The following LARGE1 variants were observed in gnomAD, a reference collection of about 807,000 sequenced individuals.
LARGE1 encodes xylosyl- and glucuronyltransferase LARGE1.
A neutral mutation model predicts 87.6 loss-of-function variants in LARGE1; 43 were observed. The observed-to-expected ratio is 0.49, with a 90% CI of 0.38 to 0.63. The LOEUF is 0.63. Ranked by LOEUF, LARGE1 falls within the 30% of genes least tolerant of loss-of-function variation. LARGE1 has a pLI of 0.00. For synonymous variants in LARGE1, 434 were observed against 394.6 expected (o/e 1.10, Z -1.18); for missense variants, 802 against 1,000.2 (o/e 0.80, Z 2.67).
At chr22:33,087,579 T>C in the LARGE1 span, among the ~76,000 whole-genome samples, 1 of 152,186 alleles carries the variant, frequency 6.6e-6, no homozygotes, top group Non-Finnish European at 1.5e-5. Flanking sequence ...AACAATAATG[T>C]TGAATTTAAT....
chr22:33,386,527 G>GA (rs962246286), intron 7 of LARGE1, among the ~76,000 whole-genome samples: 2 of 145,622 alleles, frequency 1.4e-5, no homozygotes, highest in Admixed American at 6.9e-5. Context: ...CTCTCTGGGG[G>GA]AAAAAAACGG....
At chr22:33,120,366 CTTT>C in the LARGE1 span, among the ~76,000 whole-genome samples, 19 of 139,894 alleles carry the variant, frequency 1.4e-4, no homozygotes, top group Non-Finnish European at 6.2e-5. Context: ...CTTTTTCTTT[CTTT>C]CTTTCTTTCT....
At chr22:33,592,747 ACTT>A (rs2078876294) in intron 5 of LARGE1, among the ~76,000 whole-genome samples, 1 of 152,120 alleles carries the variant, frequency 6.6e-6, no homozygotes. Flanking sequence ...CATTTTGATC[ACTT>A]TTTTGGGTGG....
intron 4 of LARGE1, among the ~76,000 whole-genome samples, chr22:33,606,249 CA>C (rs1268388543): frequency 2.6e-5 from 4 of 151,616 alleles, no homozygotes; most frequent in African/African-American, 7.3e-5. Context: ...ACTAAAAACA[CA>C]AAAAATTAGC....
chr22:33,292,750 G>A (rs1415564902), intron 12 of LARGE1, among the ~76,000 whole-genome samples: 2 of 152,156 alleles, frequency 1.3e-5, no homozygotes, highest in Non-Finnish European at 2.9e-5. Context: ...CCAGTTTGAA[G>A]GGAGGCTGAA....
chr22:33,075,836 A>C, the LARGE1 span, among the ~76,000 whole-genome samples: 1 of 152,176 alleles, frequency 6.6e-6, no homozygotes, highest in African/African-American at 2.4e-5. Flanking sequence ...AACAAATGGA[A>C]AATTTTCCTT....
chr22:33,480,224 T>C lies in LARGE1; in HGVS notation c.788-47959A>G, dbSNP rs148252500. 3.8e-3 allele frequency among the ~76,000 whole-genome samples: 573 copies of C among 152,338 alleles called. 3 individuals carry two copies. Among genetic ancestry groups the C allele is most frequent in the South Asian group, 0.021 (100 of 4,830 alleles). On this transcript the variant is annotated intron_variant, in intron 6 of 14. Transcript: ENST00000397394. ...CTTCACGCAGACCTCGGAGCAGGGC[T>C]GCGCCATCCCAGCTAGAGTGTGTTC...
intron 1 of LARGE1, among the ~76,000 whole-genome samples, chr22:33,800,883 T>G (rs1409583615): frequency 6.6e-6 from 1 of 152,210 alleles, no homozygotes; most frequent in Non-Finnish European, 1.5e-5. Context: ...TAAACACAAG[T>G]TTCCATTTTT....
intron 6 of LARGE1, among the ~76,000 whole-genome samples, chr22:33,442,684 T>C (rs953859952): frequency 6.6e-6 from 1 of 152,140 alleles, no homozygotes; most frequent in Non-Finnish European, 1.5e-5. Flanking sequence ...GTTCTTCTTT[T>C]ACTTGTGCTG....
rs560973289 is a variant in LARGE1, at chr22:33,855,512, C to T, written c.-83+64483G>A. 7.2e-5 allele frequency among the ~76,000 whole-genome samples: 11 copies of T among 152,214 alleles called. 1 individual carries two copies. The East Asian group carries it at 1.7e-3, about 24-fold the overall frequency. On this transcript the variant is annotated intron_variant, in intron 1 of 14. Transcript: ENST00000397394. ...AGGGTCTGGAGGGCCCATCACGCCT[C>T]ACCAGGGCTGTGTGGTACAATCCCC...
At chr22:33,668,417 T>A (rs1348220533) in intron 2 of LARGE1, among the ~76,000 whole-genome samples, 1 of 152,216 alleles carries the variant, frequency 6.6e-6, no homozygotes, top group South Asian at 2.1e-4. Flanking sequence ...ATAAATGAGA[T>A]GAAGCACTAG....
At chr22:33,673,577 A>G (rs1197039541) in intron 2 of LARGE1, among the ~76,000 whole-genome samples, 3 of 152,238 alleles carry the variant, frequency 2.0e-5, no homozygotes, top group Admixed American at 2.0e-4. Context: ...TGAAGTGTAC[A>G]GCTCAGTAGC....
intron 4 of LARGE1, among the ~76,000 whole-genome samples, chr22:33,621,971 A>G (rs886646127): frequency 2.6e-5 from 4 of 152,174 alleles, no homozygotes; most frequent in Non-Finnish European, 4.4e-5. Flanking sequence ...TTCCTTGTCT[A>G]TAAGAAACAT....
exon 12 of LARGE1, chr22:33,165,572 A>G (rs1470938376): frequency 6.6e-6 from 1 of 152,086 alleles, no homozygotes; most frequent in Non-Finnish European, 1.5e-5. Flanking sequence ...TTAGATCCAA[A>G]CCCCCAAAAT....
intron 6 of LARGE1, among the ~76,000 whole-genome samples, chr22:33,444,725 TAA>T (rs2067618273): frequency 6.6e-6 from 1 of 152,220 alleles, no homozygotes; most frequent in Non-Finnish European, 1.5e-5. Flanking sequence ...CATCATGAGA[TAA>T]GTTATTCATC....
At chr22:33,577,200 T>C (rs2078380479) in intron 5 of LARGE1, among the ~76,000 whole-genome samples, 1 of 152,102 alleles carries the variant, frequency 6.6e-6, no homozygotes. Context: ...GATATTCCAA[T>C]GGTTTGGTAT....
At chr22:33,679,708 G>A (rs1569365475) in intron 2 of LARGE1, among the ~76,000 whole-genome samples, 1 of 152,146 alleles carries the variant, frequency 6.6e-6, no homozygotes, top group Admixed American at 6.5e-5. Flanking sequence ...CAGGTGTGAT[G>A]GCAGGCTCCT....
At chr22:33,244,702 T>A (rs1432751806) in intron 11 of LARGE1, among the ~76,000 whole-genome samples, 1 of 152,214 alleles carries the variant, frequency 6.6e-6, no homozygotes, top group African/African-American at 2.4e-5. Flanking sequence ...CAGCTAAGGA[T>A]CTTCAACTGA....
At chr22:33,398,133 C>G (rs2065811935) in intron 7 of LARGE1, among the ~76,000 whole-genome samples, 1 of 151,990 alleles carries the variant, frequency 6.6e-6, no homozygotes, top group African/African-American at 2.4e-5. Context: ...ACAGAGACCC[C>G]CTTCTCAAAG....
Sources: allele counts gnomAD v4.1 joint callset (sites outside exome capture counted in the v4.1 genomes callset), GRCh38; gene constraint gnomAD v4.1.1; transcripts MANE v1.5; gene names NCBI Gene and HGNC (gene_info 2026-07-23, HGNC 2026-07-21).